ZNF589: variants seen among roughly 807,000 people sequenced by gnomAD.
ZNF589 encodes zinc finger protein 589, also known as KRAB-zinc finger protein SZF1-1.
In ZNF589, 17 loss-of-function variants were observed where a neutral mutation model predicts 13.6. That is an observed-to-expected ratio of 1.25 (90% CI 0.86 to 1.88). ZNF589 has a LOEUF of 1.88. Ranked by LOEUF, ZNF589 falls within the 40% of genes most tolerant of loss-of-function variation. The pLI, the probability that ZNF589 is intolerant of heterozygous loss-of-function variation, is 0.00. For missense variants in ZNF589, 407 were observed against 434.0 expected, an observed-to-expected ratio of 0.94 and a Z score of 0.55; for synonymous variants, 148 against 161.6, an observed-to-expected ratio of 0.92 and a Z score of 0.64.
chr3:48,259,682 CGGCAGA>C (rs1279805215), intron 2 of ZNF589, among the ~76,000 whole-genome samples: 1 of 151,780 alleles, frequency 6.6e-6, no homozygotes, highest in Non-Finnish European at 1.5e-5. Flanking sequence ...AGTCCGAGGC[CGGCAGA>C]TCACTTGAGG....
chr3:48,263,017 G>A (rs1575295407), intron 3 of ZNF589, among the ~76,000 whole-genome samples: 1 of 152,174 alleles, frequency 6.6e-6, no homozygotes, highest in Non-Finnish European at 1.5e-5. Context: ...TGATCTTCCT[G>A]TAAGCACTTG....
intron 1 of ZNF589, 112 bp downstream of exon 1, chr3:48,241,326 C>A: frequency 2.2e-6 from 3 of 1,344,538 alleles, no homozygotes; most frequent in Admixed American, 2.1e-5. Flanking sequence ...CTGTGTGAGG[C>A]GCTGACTACC....
intron 1 of ZNF589, 86 bp downstream of exon 1, chr3:48,241,300 G>C: frequency 6.5e-7 from 1 of 1,533,098 alleles, no homozygotes; most frequent in Admixed American, 1.8e-5. Flanking sequence ...CACCAGGGAT[G>C]CGCGTGGGGT....
intron 2 of ZNF589, among the ~76,000 whole-genome samples, chr3:48,260,456 T>G (rs142353099): frequency 1.3e-5 from 2 of 152,274 alleles, no homozygotes; most frequent in Non-Finnish European, 2.9e-5. Context: ...TCACCCACGC[T>G]GGAGTGCAAT....
intron 2 of ZNF589, among the ~76,000 whole-genome samples, chr3:48,254,210 C>T (rs71323391): frequency 0.21 from 32,039 of 151,828 alleles, 4,322 homozygotes; most frequent in Non-Finnish European, 0.3. Context: ...GAGCTGAGAT[C>T]GTGCCATTGC....
rs1356547818 is a variant in ZNF589, at chr3:48,270,241, C to T, written c.*1455C>T. 1 of 457,270 alleles carries T rather than the reference C, an allele frequency of 2.2e-6. No homozygotes were observed. The highest frequency in any genetic ancestry group is 4.4e-6 in the Non-Finnish European group (1 of 227,072). 28.3% of individuals were successfully genotyped at this position (457,270 alleles called of 1,614,324 possible). ...ATCTGAGGGACACCTTTACCAGGTCCCCTTCCTAACCCTCCAGTCCCAAAT... is the reference window on the plus strand; with the variant it reads ...ATCTGAGGGACACCTTTACCAGGTCTCCTTCCTAACCCTCCAGTCCCAAAT... On this transcript the variant is annotated 3_prime_UTR_variant, in exon 4 of 4. Coordinates refer to ENST00000354698, the MANE Select transcript of ZNF589 (RefSeq NM_016089.3).
At position 48,268,365 on chromosome 3, in the gene ZNF589, A is replaced by G; in HGVS notation, c.674A>G (p.Asn225Ser). The G allele has an allele frequency of 6.2e-7, 1 of 1,614,182 alleles. No homozygotes were observed. The highest frequency in any genetic ancestry group is 1.1e-5 in the South Asian group (1 of 91,086). Residue 225 changes from asparagine to serine, a missense_variant, in exon 4 of 4, where the codon AAC becomes AGC. Transcript: ENST00000354698. ...TTTGGGGAGTGTGCACTAGCTTTTA[A>G]CCAGAAGTCAAACCTGTTCAGACAG... is the stretch of plus-strand genomic sequence containing the variant. ...VTFGECALAF[N>S]QKSNLFRQKA... is the part of the protein sequence containing the mutation.
At chr3:48,255,981 T>C (rs1473852085) in intron 2 of ZNF589, among the ~76,000 whole-genome samples, 1 of 152,204 alleles carries the variant, frequency 6.6e-6, no homozygotes, top group Non-Finnish European at 1.5e-5. Flanking sequence ...ATGATTTTGT[T>C]TCTTTAGCCT....
chr3:48,257,404 C>T (rs899998156), intron 2 of ZNF589, among the ~76,000 whole-genome samples: 11 of 151,968 alleles, frequency 7.2e-5, no homozygotes, highest in African/African-American at 2.4e-4. Flanking sequence ...GAATTACAGG[C>T]GTGTGCCACC....
intron 2 of ZNF589, among the ~76,000 whole-genome samples, chr3:48,254,884 A>G (rs1237607835): frequency 1.3e-5 from 2 of 150,762 alleles, no homozygotes; most frequent in African/African-American, 4.9e-5. Context: ...CTTTTTGTAG[A>G]TTCTCTGGAA....
intron 3 of ZNF589, among the ~76,000 whole-genome samples, chr3:48,266,547 C>G (rs1325473059): frequency 6.6e-6 from 1 of 152,150 alleles, no homozygotes; most frequent in South Asian, 2.1e-4. Flanking sequence ...CAAATAGGGC[C>G]GGGCGCCGTG....
At position 48,268,257 on chromosome 3, in the gene ZNF589, T is replaced by C. The variant is rs1373420882; in HGVS notation, c.566T>C (p.Leu189Pro). 1.2e-6 allele frequency: 2 copies of C among 1,608,558 alleles called. No individual in the cohort carries two copies. Among genetic ancestry groups the C allele is most frequent in the East Asian group, 2.2e-5 (1 of 44,828 alleles). ...WGGNRILEIQ[L>P]SPAQNASSEE... ...GGCAACAGAATATTAGAGATACAGC[T>C]CAGTCCAGCCCAGAATGCAAGCTCT... Residue 189 changes from leucine (L) to proline (P), a missense_variant, in exon 4 of 4, where the codon CTC (leucine) becomes CCC (proline). Coordinates refer to ENST00000354698, the MANE Select transcript of ZNF589 (RefSeq NM_016089.3).
At chr3:48,255,888 A>C (rs1275116107) in intron 2 of ZNF589, among the ~76,000 whole-genome samples, 1 of 151,406 alleles carries the variant, frequency 6.6e-6, no homozygotes, top group Non-Finnish European at 1.5e-5. Context: ...TTACAGGCAC[A>C]AGCCACCACG....
At chr3:48,253,693 G>A (rs1356322707) in intron 2 of ZNF589, among the ~76,000 whole-genome samples, 2 of 151,674 alleles carry the variant, frequency 1.3e-5, no homozygotes, top group East Asian at 2.0e-4. Flanking sequence ...TAGTAGAGAC[G>A]GGGTTTCACC....
At position 48,256,046 on chromosome 3, in the gene ZNF589, A is replaced by G. The variant is rs2033895556; in HGVS notation, c.97-4767A>G. On this transcript the variant is annotated intron_variant, in intron 2 of 3. Transcript: ENST00000354698. ...TTCTTTTCTTTTTTTTTTCAAGCCC[A>G]TGAGCCTAGTTTATGACATTCCACT... Among the ~76,000 whole-genome samples the G allele has an allele frequency of 4.0e-5, 6 of 151,652 alleles. 1 individual carries two copies. In the South Asian group the frequency reaches 1.2e-3, roughly 32 times the overall value.
chr3:48,256,168 G>A (rs2033900940), intron 2 of ZNF589, among the ~76,000 whole-genome samples: 1 of 152,138 alleles, frequency 6.6e-6, no homozygotes, highest in Non-Finnish European at 1.5e-5. Flanking sequence ...TCCCAGCATT[G>A]CTACTGGGGA....
intron 1 of ZNF589, among the ~76,000 whole-genome samples, chr3:48,247,333 G>T (rs1337534794): frequency 6.6e-6 from 1 of 151,948 alleles, no homozygotes; most frequent in African/African-American, 2.4e-5. Context: ...GGGGGGAAAT[G>T]ATGCCTTGTC....
chr3:48,241,946 G>T (rs1360850511), intron 1 of ZNF589, among the ~76,000 whole-genome samples: 1 of 152,012 alleles, frequency 6.6e-6, no homozygotes, highest in Admixed American at 6.6e-5. Context: ...TTCCGGAGTA[G>T]CTGGGATTAC....
Position 48,268,845 on chromosome 3 carries a change from A to G in ZNF589, c.*59A>G, listed in dbSNP as rs1297697131. ...ACACACCAGAGGATACATTCAGATG[A>G]GAAGCCTTTTGTTTGCAGAGAGTGT... On this transcript the variant is annotated 3_prime_UTR_variant, in exon 4 of 4. Coordinates refer to ENST00000354698, the MANE Select transcript of ZNF589 (RefSeq NM_016089.3). 1 of 1,544,674 alleles carries G rather than the reference A, an allele frequency of 6.5e-7. No homozygotes were observed. Among genetic ancestry groups the G allele is most frequent in the African/African-American group, 1.4e-5 (1 of 72,348 alleles).
Sources: allele counts gnomAD v4.1 joint callset (sites outside exome capture counted in the v4.1 genomes callset), GRCh38; gene constraint gnomAD v4.1.1; transcripts MANE v1.5; gene names NCBI Gene and HGNC (gene_info 2026-07-23, HGNC 2026-07-21).